Variants in PCYOX1 observed in about 807,000 individuals in gnomAD.
The protein encoded by PCYOX1 is prenylcysteine oxidase 1.
PCYOX1 carries 46 observed loss-of-function variants against 46.4 expected under a neutral mutation model. The ratio of observed to expected loss-of-function variants is 0.99; its 90% CI spans 0.78 to 1.27. The LOEUF is 1.27. PCYOX1 is among the 50% of genes most tolerant of loss of function. PCYOX1 has a pLI of 0.00. For missense variants in PCYOX1, 658 were observed against 628.3 expected (o/e 1.05, Z -0.51); for synonymous variants, 220 against 231.8 (o/e 0.95, Z 0.46).
At position 70,277,891 on chromosome 2, in the gene PCYOX1, G is replaced by T. The variant is rs1696710156; in HGVS notation, c.*499G>T. On this transcript the variant is annotated 3_prime_UTR_variant, in exon 6 of 6. Coordinates refer to ENST00000433351, the MANE Select transcript of PCYOX1 (RefSeq NM_016297.4). ...CATTTTAAGGTGAGTACCTGAGGGA[G>T]AACTTAAAGACATCTTAGTTGGGGA... 6.5e-6 allele frequency: 1 copy of T among 152,724 alleles called. No individual in the cohort carries two copies. Among genetic ancestry groups the T allele is most frequent in the Admixed American group, 6.5e-5 (1 of 15,308 alleles). The allele number at this position is 152,724 out of a possible 1,614,324, so 9.5% of individuals were successfully genotyped here.
At position 70,280,486 on chromosome 2, in the gene PCYOX1, G is replaced by A. The variant is rs776760998; in HGVS notation, c.*3094G>A. The A allele has an allele frequency of 6.6e-6, 1 of 152,070 alleles. No individual in the cohort carries two copies. Among genetic ancestry groups the A allele is most frequent in the Non-Finnish European group, 1.5e-5 (1 of 68,024 alleles). The allele number at this position is 152,070 out of a possible 1,614,324, so 9.4% of individuals were successfully genotyped here. A position where few individuals can be genotyped will look rare whatever the true frequency, so the allele number is the denominator to read the frequency against. ...TACCTTAAGGGCTTGTTAAAACATC[G>A]CTAGGCTCCACCCTGTTTATTCAAT... On this transcript the variant is annotated 3_prime_UTR_variant, in exon 6 of 6. Coordinates refer to ENST00000433351, the MANE Select transcript of PCYOX1 (RefSeq NM_016297.4).
At chr2:70,262,845 C>T (rs931107203) in intron 3 of PCYOX1, among the ~76,000 whole-genome samples, 3 of 152,124 alleles carry the variant, frequency 2.0e-5, no homozygotes, top group Admixed American at 6.6e-5. Flanking sequence ...CATCATTACA[C>T]TCCAGCCTGG....
intron 3 of PCYOX1, among the ~76,000 whole-genome samples, chr2:70,271,370 A>G (rs892055985): frequency 2.6e-5 from 4 of 151,136 alleles, no homozygotes; most frequent in African/African-American, 9.7e-5. Context: ...ATTGAAGTCA[A>G]CACAGTCATT....
In PCYOX1 at chr2:70,261,212, G is replaced by A. The variant is rs1696430482; in HGVS notation, c.320G>A (p.Gly107Asp). ...LHMKRFVKDLGLSAVQASGGL... is the reference protein window; with the variant it reads ...LHMKRFVKDLDLSAVQASGGL... The stretch of plus-strand genomic sequence containing the variant: ...TTAGCTGTGCTTTATGTTTTTGCAG[G>A]TCTCTCTGCTGTTCAGGCCTCTGGT... The change falls in exon 3 of 6, where the codon GGT becomes GAT. Residue 107 changes from glycine to aspartate, a missense_variant and splice_region_variant. Coordinates refer to ENST00000433351, the MANE Select transcript of PCYOX1 (RefSeq NM_016297.4). 1 of 1,604,742 alleles carries A rather than the reference G, an allele frequency of 6.2e-7. No individual in the cohort carries two copies. The highest frequency in any genetic ancestry group is 8.5e-7 in the Non-Finnish European group (1 of 1,172,670).
Position 70,267,037 on chromosome 2 carries a change from C to T in PCYOX1, c.494+5651C>T, listed in dbSNP as rs377397900. 7.6e-4 allele frequency among the ~76,000 whole-genome samples: 114 copies of T among 150,604 alleles called. 1 individual carries two copies. In the South Asian group the frequency reaches 0.013, roughly 18 times the overall value. ...GGGGCTCCTCACTTCCCAGACAGGGCGGCTGCTGGGCGGAGGGGCTCCTCA... is the reference window on the plus strand; with the variant it reads ...GGGGCTCCTCACTTCCCAGACAGGGTGGCTGCTGGGCGGAGGGGCTCCTCA... On this transcript the variant is annotated intron_variant, in intron 3 of 5. Coordinates refer to ENST00000433351, the MANE Select transcript of PCYOX1 (RefSeq NM_016297.4).
rs62151217 is a variant in PCYOX1 at position 70,277,794 on chromosome 2, A to G, written c.*402A>G. 0.45 allele frequency: 72,204 copies of G among 158,906 alleles called. 19,468 individuals carry two copies. Among genetic ancestry groups the G allele is most frequent in the Middle Eastern group, 0.64 (192 of 300 alleles). The allele number at this position is 158,906 out of a possible 1,614,324, so 9.8% of individuals were successfully genotyped here. The stretch of plus-strand genomic sequence containing the variant: ...GTTTGTTAAACCATATGGATTCTCA[A>G]GCTCCTCTCTTGAAGATTCTGATTC... On this transcript the variant is annotated 3_prime_UTR_variant, in exon 6 of 6. Transcript: ENST00000433351.
chr2:70,275,127 G>T lies in PCYOX1; in HGVS notation c.663G>T (p.Met221Ile). 6.2e-7 allele frequency: 1 copy of T among 1,614,180 alleles called. No homozygotes were observed. The highest frequency in any genetic ancestry group is 8.5e-7 in the Non-Finnish European group (1 of 1,180,012). The stretch of plus-strand genomic sequence containing the variant: ...TCAATGAAATGATTGCTCCTGTTAT[G>T]AGGGTCAATTATGGCCAAAGCACGG... ...KFLNEMIAPV[M>I]RVNYGQSTDI... is the part of the protein sequence containing the mutation. The change falls in exon 4 of 6, where the codon ATG becomes ATT. Residue 221 changes from methionine (M) to isoleucine (I), a missense_variant. By Grantham distance (10) the Met-to-Ile change is conservative. Transcript: ENST00000433351.
Position 70,259,639 on chromosome 2 carries a change from C to T in PCYOX1, c.319+73C>T. The T allele has an allele frequency of 3.6e-6, 4 of 1,115,152 alleles. No individual in the cohort carries two copies. In the South Asian group the frequency reaches 5.3e-5, roughly 15 times the overall value. The allele number at this position is 1,115,152 out of a possible 1,614,324, so 69.1% of individuals were successfully genotyped here. A position where few individuals can be genotyped will look rare whatever the true frequency, so the allele number is the denominator to read the frequency against. ...CCGGATATTTTTATCAGATGGAGAA[C>T]TGAAATTTCTGCCTTGTTAATTGCC... On this transcript the variant is annotated intron_variant, in intron 2 of 5. Coordinates refer to ENST00000433351, the MANE Select transcript of PCYOX1 (RefSeq NM_016297.4).
chr2:70,263,475 T>C (rs1339741224), intron 3 of PCYOX1, among the ~76,000 whole-genome samples: 1 of 152,106 alleles, frequency 6.6e-6, no homozygotes, highest in African/African-American at 2.4e-5. Flanking sequence ...CTACAACATG[T>C]CCTTGTCCTC....
chr2:70,261,448 G>A, intron 3 of PCYOX1, 62 bp downstream of exon 3: 1 of 1,116,942 alleles, frequency 9.0e-7, no homozygotes, highest in Non-Finnish European at 1.3e-6. Flanking sequence ...TAAACTTGAT[G>A]AACTTTAGGA....
At chr2:70,264,683 G>T (rs191271451) in intron 3 of PCYOX1, among the ~76,000 whole-genome samples, 1 of 152,070 alleles carries the variant, frequency 6.6e-6, no homozygotes, top group East Asian at 1.9e-4. Context: ...AAAAGAACCA[G>T]TGAGGGGATA....
In PCYOX1 at chr2:70,277,414, C is replaced by G; in HGVS notation, c.*22C>G. 6.5e-7 allele frequency: 1 copy of G among 1,543,422 alleles called. No individual in the cohort carries two copies. The highest frequency in any genetic ancestry group is 8.8e-7 in the Non-Finnish European group (1 of 1,136,562). On this transcript the variant is annotated 3_prime_UTR_variant, in exon 6 of 6. Transcript: ENST00000433351. ...ATGAAGTGACACACTCCTTTTTCCC[C>G]TCCTAGTTCCAAATGACTATCAGTG...
At chr2:70,265,713 T>G (rs1010500189) in intron 3 of PCYOX1, among the ~76,000 whole-genome samples, 1 of 152,138 alleles carries the variant, frequency 6.6e-6, no homozygotes, top group Non-Finnish European at 1.5e-5. Flanking sequence ...TGGCTTCCTG[T>G]TGAGATATCT....
At chr2:70,261,865 G>A (rs1696445330) in intron 3 of PCYOX1, among the ~76,000 whole-genome samples, 1 of 152,190 alleles carries the variant, frequency 6.6e-6, no homozygotes, top group Non-Finnish European at 1.5e-5. Context: ...ACAAGAGCTT[G>A]TAGAAAGGAT....
At chr2:70,261,489 C>A in intron 3 of PCYOX1, 103 bp downstream of exon 3, 1 of 751,958 alleles carries the variant, frequency 1.3e-6, no homozygotes, top group South Asian at 1.8e-5. Flanking sequence ...TTTTCTACCT[C>A]ACAGCAAGGC....
At chr2:70,270,974 G>T (rs1053292886) in intron 3 of PCYOX1, among the ~76,000 whole-genome samples, 1 of 152,180 alleles carries the variant, frequency 6.6e-6, no homozygotes, top group Non-Finnish European at 1.5e-5. Flanking sequence ...TGATCCACCT[G>T]TCTTGGCCTC....
Position 70,276,895 on chromosome 2 carries a change from C to T in PCYOX1, c.1021C>T (p.Gln341Ter). ...AATTGAGGAATTCCATCAATATTATCAACATATAGTGACAACTTTAGTTAA... is the reference window on the plus strand; with the variant it reads ...AATTGAGGAATTCCATCAATATTATTAACATATAGTGACAACTTTAGTTAA... Reference protein sequence around the residue: ...PPIEEFHQYYQHIVTTLVKGE... With the variant: ...PPIEEFHQYY The change falls in exon 6 of 6, where the codon CAA (glutamine) becomes TAA (stop). Residue 341 changes from glutamine (Q) to a stop codon, truncating the protein, a stop_gained. Transcript: ENST00000433351. LOFTEE classifies it high-confidence loss of function. The T allele has an allele frequency of 6.2e-7, 1 of 1,612,874 alleles. No individual in the cohort carries two copies.
At position 70,278,109 on chromosome 2, in the gene PCYOX1, G is replaced by C. The variant is rs1696713093; in HGVS notation, c.*717G>C. Reference sequence around the variant, plus strand: ...ATTTGATTAGGGGTGAAATTTAGAAGTCTTAGTAATGTAACTTGAAGATGT... The same window carrying C: ...ATTTGATTAGGGGTGAAATTTAGAACTCTTAGTAATGTAACTTGAAGATGT... On this transcript the variant is annotated 3_prime_UTR_variant, in exon 6 of 6. Coordinates refer to ENST00000433351, the MANE Select transcript of PCYOX1 (RefSeq NM_016297.4). 2.6e-5 allele frequency: 4 copies of C among 152,480 alleles called. No homozygotes were observed. The highest frequency in any genetic ancestry group is 6.5e-5 in the Admixed American group (1 of 15,298). The allele number at this position is 152,480 out of a possible 1,614,324, so 9.4% of individuals were successfully genotyped here.
intron 1 of PCYOX1, among the ~76,000 whole-genome samples, chr2:70,258,978 A>G (rs1325343118): frequency 6.6e-6 from 1 of 152,176 alleles, no homozygotes; most frequent in Non-Finnish European, 1.5e-5. Flanking sequence ...TCTAGACACA[A>G]CAAAGCTAGG....
Sources: gnomAD v4.1 joint callset for allele counts (sites outside exome capture counted in the v4.1 genomes callset) on GRCh38, gnomAD v4.1.1 for gene constraint, MANE v1.5 for transcripts, NCBI Gene and HGNC (gene_info 2026-07-23, HGNC 2026-07-21) for gene names.